SCFD2: variants seen among roughly 807,000 people sequenced by gnomAD.
SCFD2 encodes the protein sec1 family domain containing 2.
In SCFD2, 54 loss-of-function variants were observed where a neutral mutation model predicts 58.9. That is an observed-to-expected ratio of 0.92 (90% CI 0.74 to 1.15). The LOEUF (loss-of-function observed/expected upper bound fraction) is 1.15, where lower values mean the gene tolerates loss of function less well. SCFD2 is among the 50% of genes most tolerant of loss of function. The pLI is 0.00. For synonymous variants in SCFD2, 321 were observed against 335.9 expected (o/e 0.96, Z 0.49); for missense variants, 805 against 836.6 (o/e 0.96, Z 0.47).
At chr4:53,044,788 T>A (rs2148826775) in intron 5 of SCFD2, among the ~76,000 whole-genome samples, 1 of 151,872 alleles carries the variant, frequency 6.6e-6, no homozygotes, top group East Asian at 1.9e-4. Context: ...TCTGTCTCCA[T>A]CTTTACATAG....
At chr4:52,967,166 C>T (rs969179427) in intron 5 of SCFD2, among the ~76,000 whole-genome samples, 4 of 152,116 alleles carry the variant, frequency 2.6e-5, no homozygotes, top group Admixed American at 2.6e-4. Context: ...CCATATTGTC[C>T]ATCATCTGCA....
intron 4 of SCFD2, among the ~76,000 whole-genome samples, chr4:53,156,557 G>T (rs1726694328): frequency 1.3e-5 from 2 of 152,218 alleles, no homozygotes; most frequent in East Asian, 3.9e-4. Context: ...AATTAGCCGG[G>T]TGTGGTGGCA....
chr4:53,108,025 T>G lies in SCFD2; in HGVS notation c.1561+37308A>C, dbSNP rs1725055861. Among the ~76,000 whole-genome samples the G allele has an allele frequency of 2.0e-5, 3 of 152,200 alleles. No homozygotes were observed. The South Asian group carries it at 6.2e-4, about 32-fold the overall frequency. ...GAACGGAAATCAGAACAACAGTCTT[T>G]CAGACCACAGTGCAATCAAACTAGA... On this transcript the variant is annotated intron_variant, in intron 5 of 8. Coordinates refer to ENST00000401642, the MANE Select transcript of SCFD2 (RefSeq NM_152540.4).
At chr4:53,059,413 A>T (rs922540399) in intron 5 of SCFD2, among the ~76,000 whole-genome samples, 1 of 152,162 alleles carries the variant, frequency 6.6e-6, no homozygotes, top group Non-Finnish European at 1.5e-5. Flanking sequence ...GCTCCATGTT[A>T]GAGATGAAGA....
At chr4:53,315,796 T>C (rs1180041144) in intron 2 of SCFD2, among the ~76,000 whole-genome samples, 2 of 152,188 alleles carry the variant, frequency 1.3e-5, no homozygotes, top group African/African-American at 4.8e-5. Flanking sequence ...CAGAGTAGAA[T>C]GTCACTACCC....
intron 5 of SCFD2, among the ~76,000 whole-genome samples, chr4:52,984,451 A>G (rs1721445041): frequency 6.6e-6 from 1 of 152,204 alleles, no homozygotes. Flanking sequence ...ATTATTTATC[A>G]GGGAAACAAA....
intron 2 of SCFD2, among the ~76,000 whole-genome samples, chr4:53,344,117 A>G (rs572926507): frequency 6.6e-6 from 1 of 151,662 alleles, no homozygotes; most frequent in Non-Finnish European, 1.5e-5. Flanking sequence ...CGCAGGTGAA[A>G]GAAATAAAGG....
chr4:53,087,319 T>G (rs999160466), intron 5 of SCFD2, among the ~76,000 whole-genome samples: 11 of 152,042 alleles, frequency 7.2e-5, no homozygotes. Flanking sequence ...GCAAATAAAT[T>G]GAATATTTAA....
At chr4:53,223,114 G>C (rs1729097283) in intron 4 of SCFD2, among the ~76,000 whole-genome samples, 1 of 151,898 alleles carries the variant, frequency 6.6e-6, no homozygotes, top group Non-Finnish European at 1.5e-5. Context: ...TTGGCTTTCT[G>C]AAAAAAATAT....
At chr4:53,211,694 C>T (rs545366935) in intron 4 of SCFD2, among the ~76,000 whole-genome samples, 6 of 152,116 alleles carry the variant, frequency 3.9e-5, no homozygotes, top group East Asian at 1.9e-4. Context: ...AAAATCCCCA[C>T]GCATTTGGTC....
At chr4:52,978,009 T>C (rs901693753) in intron 5 of SCFD2, among the ~76,000 whole-genome samples, 4 of 152,212 alleles carry the variant, frequency 2.6e-5, no homozygotes, top group Admixed American at 2.0e-4. Context: ...GCCCAACAGC[T>C]CCACAGAACA....
chr4:53,365,931 G>A lies in SCFD2; in HGVS notation c.11C>T (p.Ser4Leu). MSA[S>L]GVLSFTQQGW... ...TTGCTGGGTAAAGGACAGTACGCCC[G>A]AGGCGCTCATGGTTGGGGATTCGCA... Residue 4 changes from serine (S) to leucine (L), a missense_variant, in exon 1 of 9, where the codon TCG becomes TTG. Ser to Leu is a moderately radical substitution (Grantham distance 145). Transcript: ENST00000401642. The surrounding 1 kb of genome is among the most constrained non-coding windows in gnomAD (Gnocchi z 4.3). The A allele has an allele frequency of 6.5e-7, 1 of 1,536,328 alleles. No individual in the cohort carries two copies. Among genetic ancestry groups the A allele is most frequent in the South Asian group, 1.2e-5 (1 of 82,180 alleles).
At chr4:53,206,386 A>G (rs1728407136) in intron 4 of SCFD2, among the ~76,000 whole-genome samples, 1 of 152,120 alleles carries the variant, frequency 6.6e-6, no homozygotes, top group East Asian at 1.9e-4. Context: ...CAAGCAAAAA[A>G]TCTTCACATT....
At chr4:53,174,697 T>A (rs77016400) in intron 4 of SCFD2, among the ~76,000 whole-genome samples, 5,823 of 152,222 alleles carry the variant, frequency 0.038, 385 homozygotes, top group African/African-American at 0.13. Flanking sequence ...ATGAAATCTG[T>A]AATTGGCTTA....
intron 3 of SCFD2, among the ~76,000 whole-genome samples, chr4:53,301,115 G>A (rs1339136455): frequency 1.3e-5 from 2 of 152,102 alleles, no homozygotes; most frequent in South Asian, 2.1e-4. Context: ...AGAACTGAAG[G>A]AAATAGAGAC....
intron 5 of SCFD2, among the ~76,000 whole-genome samples, chr4:53,068,213 GCA>G (rs1481860126): frequency 1.3e-5 from 2 of 152,046 alleles, no homozygotes; most frequent in Non-Finnish European, 2.9e-5. Context: ...TAAGAAGAAA[GCA>G]CAGAGTTCCT....
intron 4 of SCFD2, among the ~76,000 whole-genome samples, chr4:53,157,353 A>T (rs1192904127): frequency 6.6e-6 from 1 of 152,236 alleles, no homozygotes; most frequent in African/African-American, 2.4e-5. Context: ...GCCACATTAC[A>T]ACTTACCTTC....
chr4:53,037,933 A>C (rs1475235903), intron 5 of SCFD2, among the ~76,000 whole-genome samples: 1 of 152,086 alleles, frequency 6.6e-6, no homozygotes, highest in Admixed American at 6.6e-5. Flanking sequence ...GTTCAACCAA[A>C]CCCTGGGGAA....
At chr4:53,318,537 A>G (rs1732930951) in intron 2 of SCFD2, among the ~76,000 whole-genome samples, 1 of 152,190 alleles carries the variant, frequency 6.6e-6, no homozygotes, top group Non-Finnish European at 1.5e-5. Context: ...AAGCACCTAA[A>G]GAAAAATTTA....
Sources: allele counts gnomAD v4.1 joint callset (sites outside exome capture counted in the v4.1 genomes callset), GRCh38; gene constraint gnomAD v4.1.1; non-coding constraint Gnocchi (gnomAD v3.1); transcripts MANE v1.5; gene names NCBI Gene and HGNC (gene_info 2026-07-23, HGNC 2026-07-21).